OTUD7A: variants seen among roughly 807,000 people sequenced by gnomAD.
The protein encoded by OTUD7A is OTU deubiquitinase 7A.
In OTUD7A, 12 loss-of-function variants were observed where a neutral mutation model predicts 65.7. That is an observed-to-expected ratio of 0.18 (90% CI 0.12 to 0.30). OTUD7A has a LOEUF of 0.30. OTUD7A is among the 10% of genes least tolerant of loss of function. The pLI is 1.00. For synonymous variants in OTUD7A, 641 were observed against 586.3 expected (o/e 1.09, Z -1.35); for missense variants, 1,148 against 1,304.8 (o/e 0.88, Z 1.85).
chr15:31,524,806 T>A (rs531099566), intron 8 of OTUD7A, among the ~76,000 whole-genome samples: 1 of 152,240 alleles, frequency 6.6e-6, no homozygotes, highest in Admixed American at 6.5e-5. Context: ...CTAATCCTTT[T>A]GTTAGATTAA....
intron 1 of OTUD7A, among the ~76,000 whole-genome samples, chr15:31,817,825 G>A (rs1896588619): frequency 6.6e-6 from 1 of 152,230 alleles, no homozygotes; most frequent in Admixed American, 6.5e-5. Flanking sequence ...TGTACACAGA[G>A]GCACTGCTGC....
chr15:31,589,466 T>TTTTG (rs1889653182), intron 3 of OTUD7A, among the ~76,000 whole-genome samples: 1 of 148,294 alleles, frequency 6.7e-6, no homozygotes, highest in African/African-American at 2.5e-5. Flanking sequence ...TGGGCTTGTT[T>TTTTG]TTTTTTTTTT....
intron 1 of OTUD7A, among the ~76,000 whole-genome samples, chr15:31,667,317 T>A (rs1158476423): frequency 6.6e-6 from 1 of 152,144 alleles, no homozygotes; most frequent in Non-Finnish European, 1.5e-5. Context: ...CAGTGTTAGG[T>A]GCACGTATGT....
At chr15:31,622,420 T>G in intron 3 of OTUD7A, among the ~76,000 whole-genome samples, 1 of 152,160 alleles carries the variant, frequency 6.6e-6, no homozygotes, top group East Asian at 1.9e-4. Context: ...GTGGATTTGG[T>G]CTTTTCACAT....
intron 5 of OTUD7A, among the ~76,000 whole-genome samples, chr15:31,551,204 C>T (rs570351302): frequency 3.9e-5 from 6 of 152,286 alleles, no homozygotes; most frequent in Admixed American, 1.3e-4. Context: ...TTCCAGCCTC[C>T]GGAGACCCCA....
chr15:31,494,994 G>A (rs892397026), intron 10 of OTUD7A, among the ~76,000 whole-genome samples: 6 of 152,224 alleles, frequency 3.9e-5, no homozygotes, highest in Non-Finnish European at 7.3e-5. Context: ...AATCAGGGGC[G>A]ATGGTGGCTG....
chr15:31,591,858 A>G (rs1409116424), intron 3 of OTUD7A, among the ~76,000 whole-genome samples: 1 of 152,242 alleles, frequency 6.6e-6, no homozygotes, highest in African/African-American at 2.4e-5. Flanking sequence ...ACACAAACCT[A>G]GATGGCATAG....
At position 31,683,964 on chromosome 15, in the gene OTUD7A, G is replaced by C. The variant is rs2625786; in HGVS notation, c.-99-26887C>G. 3.1e-3 allele frequency among the ~76,000 whole-genome samples: 474 copies of C among 152,266 alleles called. 2 individuals are homozygous for C. Among genetic ancestry groups the C allele is most frequent in the African/African-American group, 1.0e-2 (414 of 41,506 alleles). On this transcript the variant is annotated intron_variant, in intron 1 of 12. Transcript: ENST00000307050. ...TCCACACTCCCCTGAGGAAAGAATG[G>C]TAAAGCCAATTTCATTCAAACACTA...
At chr15:31,869,739 T>TC (rs1376446411) in intron 1 of OTUD7A, among the ~76,000 whole-genome samples, 1 of 152,184 alleles carries the variant, frequency 6.6e-6, no homozygotes, top group Non-Finnish European at 1.5e-5. Context: ...ACAGAGATTC[T>TC]CAAAGGGCTG....
chr15:31,782,019 T>C (rs1423302269), intron 1 of OTUD7A, among the ~76,000 whole-genome samples: 1 of 152,248 alleles, frequency 6.6e-6, no homozygotes, highest in Non-Finnish European at 1.5e-5. Flanking sequence ...TTTTCTTTTA[T>C]GAACTGTTTA....
intron 8 of OTUD7A, among the ~76,000 whole-genome samples, chr15:31,517,597 C>T (rs1468188964): frequency 1.3e-5 from 2 of 152,184 alleles, no homozygotes; most frequent in African/African-American, 2.4e-5. Context: ...CTGAGAACTT[C>T]CTAACATGCT....
chr15:31,805,031 C>T (rs1896233041), intron 1 of OTUD7A, among the ~76,000 whole-genome samples: 2 of 152,234 alleles, frequency 1.3e-5, no homozygotes, highest in South Asian at 2.1e-4. Context: ...AGAAGCTCCT[C>T]GGCTGGCCAG....
At chr15:31,559,251 A>C in intron 4 of OTUD7A, 64 bp from the exon 5 acceptor site, 3 of 1,429,574 alleles carry the variant, frequency 2.1e-6, no homozygotes, top group Non-Finnish European at 2.9e-6. Context: ...CTCTATGTAC[A>C]TAAACACACA....
chr15:31,824,116 C>T (rs1169778329), intron 1 of OTUD7A, among the ~76,000 whole-genome samples: 1 of 152,188 alleles, frequency 6.6e-6, no homozygotes, highest in Non-Finnish European at 1.5e-5. Context: ...CCTGTTAGAG[C>T]ACCAGCAAAG....
At chr15:31,488,853 A>G (rs1266391857) in intron 10 of OTUD7A, among the ~76,000 whole-genome samples, 1 of 152,168 alleles carries the variant, frequency 6.6e-6, no homozygotes, top group African/African-American at 2.4e-5. Flanking sequence ...CAAGCTGCCA[A>G]TAAGGGAAAT....
intron 1 of OTUD7A, among the ~76,000 whole-genome samples, chr15:31,850,489 A>G (rs574745898): frequency 6.6e-6 from 1 of 152,256 alleles, no homozygotes; most frequent in South Asian, 2.1e-4. Context: ...CAGCACACCA[A>G]CATGGCACAC....
intron 1 of OTUD7A, among the ~76,000 whole-genome samples, chr15:31,749,526 A>G (rs1894571164): frequency 6.6e-6 from 1 of 152,200 alleles, no homozygotes; most frequent in Non-Finnish European, 1.5e-5. Flanking sequence ...CAGTGTTATA[A>G]TAGTTCCAAA....
chr15:31,593,389 C>T (rs1315834051), intron 3 of OTUD7A, among the ~76,000 whole-genome samples: 3 of 152,056 alleles, frequency 2.0e-5, no homozygotes, highest in Admixed American at 6.5e-5. Flanking sequence ...AGCAGCATCT[C>T]GGGGCTTTAT....
At chr15:31,561,026 G>T (rs1888670318) in intron 4 of OTUD7A, among the ~76,000 whole-genome samples, 1 of 152,234 alleles carries the variant, frequency 6.6e-6, no homozygotes, top group South Asian at 2.1e-4. Context: ...ATTTCCAGAA[G>T]GTTCATGTAT....
Sources: allele counts gnomAD v4.1 joint callset (sites outside exome capture counted in the v4.1 genomes callset), GRCh38; gene constraint gnomAD v4.1.1; transcripts MANE v1.5; gene names NCBI Gene and HGNC (gene_info 2026-07-23, HGNC 2026-07-21).